The following EXOC4 variants were observed in gnomAD, a reference collection of about 807,000 sequenced individuals.
EXOC4 encodes SEC8-like 1.
Under a neutral mutation model 107.2 loss-of-function variants are expected in EXOC4, and 71 were observed. The observed-to-expected ratio is 0.66, with a 90% confidence interval of 0.55 to 0.81. The LOEUF (loss-of-function observed/expected upper bound fraction) is 0.81. Ranked by LOEUF, EXOC4 falls within the 30% of genes least tolerant of loss-of-function variation. The probability of loss-of-function intolerance (pLI) is 0.00; values close to 1 mark genes in which losing one functional copy is unlikely to be tolerated. For synonymous variants in EXOC4, 456 were observed against 441.2 expected (o/e 1.03, Z -0.42); for missense variants, 1,108 against 1,189.6 (o/e 0.93, Z 1.01).
At chr7:133,887,426 T>A (rs1389433878) in intron 11 of EXOC4, among the ~76,000 whole-genome samples, 1 of 152,138 alleles carries the variant, frequency 6.6e-6, no homozygotes, top group Non-Finnish European at 1.5e-5. Context: ...AAAAGAGGAA[T>A]GCTGATCCCT....
chr7:133,311,517 A>G (rs750317142), intron 4 of EXOC4, among the ~76,000 whole-genome samples: 13 of 152,266 alleles, frequency 8.5e-5, no homozygotes, highest in East Asian at 1.9e-4. Context: ...TTAGGTGTCT[A>G]CCTCTTATGT....
Position 133,356,497 on chromosome 7 carries a change from G to T in EXOC4, c.931G>T (p.Val311Leu). ...ERLEQELKQIVKRSTTQVADS... is the reference protein window; with the variant it reads ...ERLEQELKQILKRSTTQVADS... ...CTTGGAGCAGGAGTTGAAGCAAATT[G>T]TGAAGAGGTCTACAACCCAGGTGGC... Residue 311 changes from valine to leucine, a missense_variant, in exon 6 of 18, where the codon GTG becomes TTG. Physicochemically the swap from Val to Leu is conservative, Grantham distance 32. Transcript: ENST00000253861. 6.2e-7 allele frequency: 1 copy of T among 1,614,146 alleles called. No individual in the cohort carries two copies.
chr7:133,830,405 C>T (rs1797784801), intron 11 of EXOC4, among the ~76,000 whole-genome samples: 1 of 152,254 alleles, frequency 6.6e-6, no homozygotes, highest in African/African-American at 2.4e-5. Context: ...GAGGAGTACA[C>T]TTTTCTTCCA....
intron 6 of EXOC4, among the ~76,000 whole-genome samples, chr7:133,357,055 CTGTT>C (rs778869927): frequency 7.2e-5 from 11 of 152,178 alleles, no homozygotes; most frequent in Admixed American, 6.5e-4. Flanking sequence ...ATTCAGCTGT[CTGTT>C]TTTTAATGTT....
At chr7:133,621,157 A>G (rs889739000) in intron 9 of EXOC4, among the ~76,000 whole-genome samples, 15 of 152,214 alleles carry the variant, frequency 9.9e-5, no homozygotes, top group African/African-American at 3.6e-4. Context: ...AGGATGAGCT[A>G]TTATTAACCT....
intron 7 of EXOC4, among the ~76,000 whole-genome samples, chr7:133,404,037 T>A (rs558841933): frequency 6.6e-6 from 1 of 152,288 alleles, no homozygotes; most frequent in Non-Finnish European, 1.5e-5. Flanking sequence ...CTGGCCCTAT[T>A]CTGATATATT....
intron 17 of EXOC4, among the ~76,000 whole-genome samples, chr7:134,049,976 TAAG>T (rs762707172): frequency 2.0e-5 from 3 of 152,184 alleles, no homozygotes; most frequent in Non-Finnish European, 4.4e-5. Context: ...CTGCCACCAT[TAAG>T]AAGAATGAGG....
At chr7:134,080,227 C>A in the EXOC4 span, among the ~76,000 whole-genome samples, 1 of 152,018 alleles carries the variant, frequency 6.6e-6, no homozygotes, top group Non-Finnish European at 1.5e-5. Context: ...AAAAAATAGT[C>A]TACAACAAAA....
chr7:133,363,490 A>C (rs183164059), intron 6 of EXOC4, among the ~76,000 whole-genome samples: 306 of 152,132 alleles, frequency 2.0e-3, no homozygotes, highest in Non-Finnish European at 3.7e-3. Flanking sequence ...GACAGCTATC[A>C]TTCTGGTTGT....
intron 2 of EXOC4, among the ~76,000 whole-genome samples, chr7:133,277,235 C>T (rs1020233458): frequency 6.6e-6 from 1 of 152,226 alleles, no homozygotes; most frequent in African/African-American, 2.4e-5. Flanking sequence ...ATCACTTGCT[C>T]TAGATTTAAA....
In EXOC4 at chr7:133,299,408, GA is replaced by G. The variant is rs1034827352; in HGVS notation, c.472-6461del. Among the ~76,000 whole-genome samples the G allele has an allele frequency of 2.5e-3, 384 of 151,738 alleles. 1 individual carries two copies. Among genetic ancestry groups the G allele is most frequent in the African/African-American group, 8.7e-3 (361 of 41,442 alleles). Reference sequence around the variant, plus strand: ...CTTGGCTGTTGCTACTTTAGGAGGGGAAAAAAAAGATTACTTTCGCTTTAAT... The same window carrying G: ...CTTGGCTGTTGCTACTTTAGGAGGGGAAAAAAAGATTACTTTCGCTTTAAT... On this transcript the variant is annotated intron_variant, in intron 3 of 17. Coordinates refer to ENST00000253861, the MANE Select transcript of EXOC4 (RefSeq NM_021807.4).
chr7:133,755,345 T>C (rs1470484393), intron 10 of EXOC4, among the ~76,000 whole-genome samples: 1 of 112,636 alleles, frequency 8.9e-6, no homozygotes, highest in Non-Finnish European at 1.8e-5. Flanking sequence ...TACACATCTC[T>C]TTTTTTTTTT....
intron 9 of EXOC4, among the ~76,000 whole-genome samples, chr7:133,532,246 A>G (rs1800194568): frequency 2.6e-5 from 4 of 152,124 alleles, no homozygotes. Flanking sequence ...TTCTTTCTTC[A>G]TTACCTTGAA....
intron 9 of EXOC4, among the ~76,000 whole-genome samples, chr7:133,556,803 C>CT (rs1800699656): frequency 6.6e-6 from 1 of 152,082 alleles, no homozygotes; most frequent in Non-Finnish European, 1.5e-5. Flanking sequence ...TATCAGAGGA[C>CT]TAAGGGCTTG....
chr7:133,509,024 A>G (rs6959638), intron 9 of EXOC4, among the ~76,000 whole-genome samples: 1,742 of 152,292 alleles, frequency 0.011, 22 homozygotes, highest in African/African-American at 0.039. Flanking sequence ...TTAGTATCCA[A>G]TTACCCACCT....
chr7:133,420,989 C>T (rs1211625760), intron 7 of EXOC4, among the ~76,000 whole-genome samples: 3 of 151,538 alleles, frequency 2.0e-5, no homozygotes, highest in East Asian at 2.0e-4. Flanking sequence ...GTTCCTTTCC[C>T]TTTTACTATT....
At chr7:133,315,241 G>C (rs555511965) in intron 4 of EXOC4, 4 of 152,600 alleles carry the variant, frequency 2.6e-5, no homozygotes, top group African/African-American at 9.6e-5. Context: ...CCAGCTCTGT[G>C]ATCATCAGTG....
At chr7:133,594,493 C>CTATTTT (rs1801618670) in intron 9 of EXOC4, among the ~76,000 whole-genome samples, 1 of 90,356 alleles carries the variant, frequency 1.1e-5, no homozygotes, top group African/African-American at 4.5e-5. Context: ...AAGCTTGAGT[C>CTATTTT]TTTTTTTTTT....
At chr7:133,550,975 T>G (rs1800575741) in intron 9 of EXOC4, among the ~76,000 whole-genome samples, 1 of 152,000 alleles carries the variant, frequency 6.6e-6, no homozygotes, top group South Asian at 2.1e-4. Context: ...AAAAAGAAAT[T>G]TCATTTGTGG....
Sources: gnomAD v4.1 joint callset for allele counts (sites outside exome capture counted in the v4.1 genomes callset) on GRCh38, gnomAD v4.1.1 for gene constraint, MANE v1.5 for transcripts, NCBI Gene and HGNC (gene_info 2026-07-23, HGNC 2026-07-21) for gene names.